The following SCHIP1 variants were observed in gnomAD, a reference collection of about 807,000 sequenced individuals.
SCHIP1 encodes the protein schwannomin interacting protein 1.
Under a neutral mutation model 29.7 loss-of-function variants are expected in SCHIP1, and 8 were observed. The ratio of observed to expected loss-of-function variants is 0.27; its 90% confidence interval spans 0.16 to 0.49. The LOEUF (loss-of-function observed/expected upper bound fraction) is 0.49, where lower values mean the gene tolerates loss of function less well. SCHIP1 is among the 20% of genes least tolerant of loss of function. The pLI, the probability that SCHIP1 is intolerant of heterozygous loss-of-function variation, is 0.99. For synonymous variants in SCHIP1, 76 were observed against 94.9 expected, an observed-to-expected ratio of 0.80 and a Z score of 1.16; for missense variants, 193 against 294.6, an observed-to-expected ratio of 0.66 and a Z score of 2.52.
the SCHIP1 span, among the ~76,000 whole-genome samples, chr3:159,494,512 G>T: frequency 2.0e-5 from 3 of 152,154 alleles, no homozygotes; most frequent in African/African-American, 7.2e-5. Flanking sequence ...AGAAGAAATG[G>T]ATAAATTCCT....
the SCHIP1 span, among the ~76,000 whole-genome samples, chr3:159,488,178 A>C: frequency 6.6e-6 from 1 of 152,178 alleles, no homozygotes; most frequent in Non-Finnish European, 1.5e-5. Context: ...GATGGTTACC[A>C]GAGGCTGGGA....
chr3:159,891,329 C>T (rs1258460229), intron 5 of SCHIP1, among the ~76,000 whole-genome samples: 2 of 151,886 alleles, frequency 1.3e-5, no homozygotes, highest in Admixed American at 6.6e-5. Context: ...CGAGATCGTG[C>T]CACTGCACTC....
chr3:159,825,698 A>T, the SCHIP1 span, among the ~76,000 whole-genome samples: 1 of 152,200 alleles, frequency 6.6e-6, no homozygotes, highest in Non-Finnish European at 1.5e-5. Flanking sequence ...GACGTGATAC[A>T]TATGGCCCTT....
chr3:159,803,523 T>C, the SCHIP1 span, among the ~76,000 whole-genome samples: 2 of 152,210 alleles, frequency 1.3e-5, no homozygotes, highest in Non-Finnish European at 2.9e-5. Flanking sequence ...GCAGCTCCTT[T>C]GCACACTGCT....
At chr3:159,681,114 G>A in the SCHIP1 span, among the ~76,000 whole-genome samples, 14 of 152,074 alleles carry the variant, frequency 9.2e-5, no homozygotes, top group Non-Finnish European at 1.6e-4. Context: ...TGCCACACAT[G>A]GTCTTGGTAT....
chr3:159,814,476 C>T, the SCHIP1 span, among the ~76,000 whole-genome samples: 24 of 152,316 alleles, frequency 1.6e-4, no homozygotes, highest in African/African-American at 5.8e-4. Context: ...GAATTCCTCT[C>T]GCGGGTATAG....
chr3:159,831,905 T>C, the SCHIP1 span, among the ~76,000 whole-genome samples: 1 of 109,140 alleles, frequency 9.2e-6, no homozygotes, highest in South Asian at 2.5e-4. Flanking sequence ...AATGATTGTA[T>C]GTCTGTTTAC....
the SCHIP1 span, among the ~76,000 whole-genome samples, chr3:159,390,966 C>G: frequency 6.6e-6 from 1 of 152,132 alleles, no homozygotes; most frequent in Non-Finnish European, 1.5e-5. Flanking sequence ...GTTAATCACC[C>G]TATAAAATGC....
the SCHIP1 span, among the ~76,000 whole-genome samples, chr3:159,596,440 T>C: frequency 1.3e-5 from 2 of 152,192 alleles, no homozygotes; most frequent in Non-Finnish European, 1.5e-5. Context: ...CCAGCCATCC[T>C]ATTACTAGGC....
chr3:159,795,647 C>T, the SCHIP1 span, among the ~76,000 whole-genome samples: 2 of 152,192 alleles, frequency 1.3e-5, no homozygotes, highest in Admixed American at 6.5e-5. Context: ...AGTGGTGGTC[C>T]AAAGAAAGTG....
chr3:159,755,803 T>G, the SCHIP1 span, among the ~76,000 whole-genome samples: 2 of 152,226 alleles, frequency 1.3e-5, no homozygotes, highest in Non-Finnish European at 2.9e-5. Flanking sequence ...ATGGGACACA[T>G]TGGCCAAAAC....
chr3:159,628,492 A>G, the SCHIP1 span, among the ~76,000 whole-genome samples: 2 of 152,208 alleles, frequency 1.3e-5, no homozygotes, highest in African/African-American at 4.8e-5. Context: ...TTTTTCAGAC[A>G]TACTTTAAAA....
exon 7 of SCHIP1, chr3:159,896,998 A>G: frequency 5.4e-6 from 2 of 373,664 alleles, no homozygotes; most frequent in East Asian, 8.3e-5. Flanking sequence ...CAAAAAATGT[A>G]CAGTACTGAC....
the SCHIP1 span, among the ~76,000 whole-genome samples, chr3:159,792,334 G>A: frequency 6.6e-6 from 1 of 152,168 alleles, no homozygotes; most frequent in Non-Finnish European, 1.5e-5. Context: ...CAGTTCTACC[G>A]CCTAAGAGTC....
the SCHIP1 span, among the ~76,000 whole-genome samples, chr3:159,732,756 T>TA: frequency 6.6e-6 from 1 of 152,210 alleles, no homozygotes; most frequent in Non-Finnish European, 1.5e-5. Context: ...TTGAGCTATA[T>TA]AACCTGGTGA....
chr3:159,889,325 AT>A (rs557325099), intron 5 of SCHIP1, among the ~76,000 whole-genome samples: 5 of 152,332 alleles, frequency 3.3e-5, no homozygotes, highest in South Asian at 2.1e-4. Flanking sequence ...ATCATCATCA[AT>A]AAAATCAAAT....
the SCHIP1 span, among the ~76,000 whole-genome samples, chr3:159,579,640 G>T: frequency 6.6e-6 from 1 of 152,134 alleles, no homozygotes; most frequent in South Asian, 2.1e-4. Context: ...CTGCAGTGTG[G>T]CAAGGTCTTA....
chr3:159,415,816 A>G, the SCHIP1 span, among the ~76,000 whole-genome samples: 10 of 152,342 alleles, frequency 6.6e-5, 1 homozygote, highest in African/African-American at 2.4e-4. Flanking sequence ...AACCCCTAGT[A>G]CAGTGCCTGG....
the SCHIP1 span, among the ~76,000 whole-genome samples, chr3:159,735,637 A>G: frequency 1.3e-5 from 2 of 152,330 alleles, no homozygotes; most frequent in African/African-American, 4.8e-5. Flanking sequence ...CTTTAAGAGT[A>G]GGTTTGCCTT....
Sources: allele counts gnomAD v4.1 joint callset (sites outside exome capture counted in the v4.1 genomes callset), GRCh38; gene constraint gnomAD v4.1.1; transcripts MANE v1.5; gene names NCBI Gene and HGNC (gene_info 2026-07-23, HGNC 2026-07-21).